The following ZNF385D variants were observed in gnomAD, a reference collection of about 807,000 sequenced individuals.
The protein encoded by ZNF385D is zinc finger protein 385D.
Under a neutral mutation model 35.8 loss-of-function variants are expected in ZNF385D, and 15 were observed. The observed-to-expected ratio is 0.42, with a 90% CI of 0.28 to 0.64. The LOEUF (loss-of-function observed/expected upper bound fraction) is 0.64. Ranked by LOEUF, ZNF385D falls within the 30% of genes least tolerant of loss-of-function variation. The pLI is 0.23. For synonymous variants in ZNF385D, 212 were observed against 186.8 expected (o/e 1.13, Z -1.10); for missense variants, 474 against 494.6 (o/e 0.96, Z 0.39).
intron 3 of ZNF385D, among the ~76,000 whole-genome samples, chr3:22,008,384 T>C (rs1696354055): frequency 7.8e-6 from 1 of 127,880 alleles, no homozygotes; most frequent in Non-Finnish European, 1.8e-5. Flanking sequence ...AGGCGGAGTC[T>C]CGCTGTTGCC....
At chr3:21,910,018 A>C (rs1040664318) in intron 3 of ZNF385D, among the ~76,000 whole-genome samples, 1 of 151,958 alleles carries the variant, frequency 6.6e-6, no homozygotes, top group Admixed American at 6.6e-5. Context: ...CACATGCACT[A>C]TTTAGCTTAC....
At chr3:21,809,562 C>T (rs1053070836) in intron 3 of ZNF385D, among the ~76,000 whole-genome samples, 1 of 150,976 alleles carries the variant, frequency 6.6e-6, no homozygotes, top group African/African-American at 2.4e-5. Context: ...ATAACCCCTA[C>T]AACAAACCCT....
intron 3 of ZNF385D, among the ~76,000 whole-genome samples, chr3:21,799,671 G>A (rs2072310739): frequency 6.6e-6 from 1 of 151,948 alleles, no homozygotes; most frequent in South Asian, 2.1e-4. Context: ...CTGAGTATTA[G>A]ACCTTAACAG....
chr3:21,919,642 A>T (rs1559754082), intron 3 of ZNF385D, among the ~76,000 whole-genome samples: 1 of 152,214 alleles, frequency 6.6e-6, no homozygotes, highest in Non-Finnish European at 1.5e-5. Context: ...GCAGACTAGA[A>T]TTAGCTTTGT....
Position 22,029,837 on chromosome 3 carries a change from G to A in ZNF385D, c.325+138980C>T, listed in dbSNP as rs563477695. 2.0e-3 allele frequency among the ~76,000 whole-genome samples: 299 copies of A among 152,194 alleles called. 1 individual carries two copies. The highest frequency in any genetic ancestry group is 7.0e-3 in the African/African-American group (292 of 41,506). On this transcript the variant is annotated intron_variant, in intron 3 of 5. Transcript: ENST00000494108. ...AAGATTATGTATGATCTCGGGAGAT[G>A]TGTATGGGTTCAAGTTGACAAGGGG...
intron 2 of ZNF385D, among the ~76,000 whole-genome samples, chr3:21,607,138 TGTACA>T (rs1205252105): frequency 5.9e-5 from 9 of 152,318 alleles, no homozygotes; most frequent in East Asian, 5.8e-4. Context: ...ATTGATGGTG[TGTACA>T]GTAATCAATG....
chr3:21,700,810 G>T (rs1380217697), intron 1 of ZNF385D, among the ~76,000 whole-genome samples: 3 of 152,208 alleles, frequency 2.0e-5, no homozygotes, highest in Non-Finnish European at 4.4e-5. Context: ...TGATTGAAAT[G>T]TACAGGTAAG....
intron 1 of ZNF385D, among the ~76,000 whole-genome samples, chr3:21,740,291 G>C (rs1235474825): frequency 6.6e-6 from 1 of 152,176 alleles, no homozygotes; most frequent in African/African-American, 2.4e-5. Flanking sequence ...ACTACTCAAA[G>C]TGTGACCAGT....
At chr3:21,589,428 T>A (rs963631558) in intron 2 of ZNF385D, among the ~76,000 whole-genome samples, 1 of 152,216 alleles carries the variant, frequency 6.6e-6, no homozygotes, top group Non-Finnish European at 1.5e-5. Flanking sequence ...ATACAAAAAT[T>A]TCTAGTAGAT....
At chr3:22,117,184 C>A (rs1702856677) in intron 3 of ZNF385D, among the ~76,000 whole-genome samples, 1 of 151,868 alleles carries the variant, frequency 6.6e-6, no homozygotes, top group African/African-American at 2.4e-5. Context: ...CAATATGGAG[C>A]TTATGTAAAT....
At chr3:22,309,335 G>A (rs966952388) in intron 2 of ZNF385D, among the ~76,000 whole-genome samples, 1 of 151,916 alleles carries the variant, frequency 6.6e-6, no homozygotes, top group Non-Finnish European at 1.5e-5. Context: ...TATTCATGTG[G>A]AAATCCGTCC....
At chr3:22,089,592 C>T (rs374887892) in intron 3 of ZNF385D, among the ~76,000 whole-genome samples, 4 of 152,066 alleles carry the variant, frequency 2.6e-5, no homozygotes, top group Non-Finnish European at 5.9e-5. Context: ...TCATGACCTC[C>T]GTGGCCTTTT....
chr3:22,113,599 C>G, intron 3 of ZNF385D, among the ~76,000 whole-genome samples: 1 of 152,072 alleles, frequency 6.6e-6, no homozygotes, highest in Non-Finnish European at 1.5e-5. Flanking sequence ...GTAGTGCTGA[C>G]TGAGACAATG....
chr3:21,587,253 T>A (rs1184618216), intron 2 of ZNF385D, among the ~76,000 whole-genome samples: 2 of 152,230 alleles, frequency 1.3e-5, no homozygotes, highest in Non-Finnish European at 2.9e-5. Context: ...AAAAAAATAA[T>A]TTGGACAAGA....
At chr3:22,005,974 T>TTC (rs1009652565) in intron 3 of ZNF385D, among the ~76,000 whole-genome samples, 14 of 151,538 alleles carry the variant, frequency 9.2e-5, no homozygotes, top group Non-Finnish European at 1.6e-4. Flanking sequence ...TCTTCCCTCT[T>TTC]TCTCTCTCTC....
chr3:21,416,915 C>A lies in ZNF385D; in HGVS notation c.*4299G>T, dbSNP rs1184677696. The A allele has an allele frequency of 6.6e-6, 1 of 152,088 alleles. No individual in the cohort carries two copies. The highest frequency in any genetic ancestry group is 1.5e-5 in the Non-Finnish European group (1 of 68,014). The allele number at this position is 152,088 out of a possible 1,614,324, so 9.4% of individuals were successfully genotyped here. On this transcript the variant is annotated 3_prime_UTR_variant, in exon 8 of 8. Coordinates refer to ENST00000281523, the MANE Select transcript of ZNF385D (RefSeq NM_024697.3). ...CTTCCACACCCCCACTGCCAGCTGT[C>A]TATTGCCTTTTTCAGGGTTGGTTTT...
At position 22,007,360 on chromosome 3, in the gene ZNF385D, A is replaced by C. The variant is rs556247433; in HGVS notation, c.325+161457T>G. On this transcript the variant is annotated intron_variant, in intron 3 of 5. Transcript: ENST00000494108. ...AACATTGGAATAACAGTCTTGCGTA[A>C]GTCTACCATACCATTCAAATCAGAC... 2.5e-3 allele frequency among the ~76,000 whole-genome samples: 382 copies of C among 152,340 alleles called. 2 individuals carry two copies. The highest frequency in any genetic ancestry group is 8.8e-3 in the African/African-American group (364 of 41,576).
chr3:21,449,239 C>T (rs1702324470), intron 4 of ZNF385D, among the ~76,000 whole-genome samples: 1 of 150,668 alleles, frequency 6.6e-6, no homozygotes, highest in African/African-American at 2.4e-5. Flanking sequence ...CTATACTGGC[C>T]ATTCTGATCC....
chr3:21,595,064 C>A (rs1348144756), intron 2 of ZNF385D, among the ~76,000 whole-genome samples: 1 of 152,124 alleles, frequency 6.6e-6, no homozygotes, highest in Non-Finnish European at 1.5e-5. Context: ...GATTATTGGT[C>A]TTAATAGAAC....
Sources: allele counts gnomAD v4.1 joint callset (sites outside exome capture counted in the v4.1 genomes callset), GRCh38; gene constraint gnomAD v4.1.1; transcripts MANE v1.5; gene names NCBI Gene and HGNC (gene_info 2026-07-23, HGNC 2026-07-21).